Variants in ITGAV observed in about 807,000 individuals in gnomAD.
ITGAV encodes the protein integrin alpha-V.
A neutral mutation model predicts 143.8 loss-of-function variants in ITGAV; 76 were observed. That is an observed-to-expected ratio of 0.53 (90% CI 0.44 to 0.64). ITGAV has a LOEUF of 0.64. Among genes scored for constraint, ITGAV ranks in the 30% least tolerant of loss-of-function variants. ITGAV has a pLI of 0.00. For missense variants in ITGAV, 1,193 were observed against 1,274.7 expected, an observed-to-expected ratio of 0.94 and a Z score of 0.98; for synonymous variants, 453 against 446.7, an observed-to-expected ratio of 1.01 and a Z score of -0.18.
chr2:186,618,750 C>T (rs975713592), intron 2 of ITGAV, among the ~76,000 whole-genome samples: 1 of 151,852 alleles, frequency 6.6e-6, no homozygotes, highest in Admixed American at 6.6e-5. Context: ...GAAGGCAACT[C>T]AAAAATCCCA....
At chr2:186,638,567 A>C in intron 10 of ITGAV, 102 bp downstream of exon 10, 71 of 799,106 alleles carry the variant, frequency 8.9e-5, no homozygotes, top group Non-Finnish European at 1.4e-4. Flanking sequence ...CTATAATCTC[A>C]TCAAATAGAT....
In ITGAV at chr2:186,680,049, C is replaced by A. The variant is rs61764182; in HGVS notation, c.*2757C>A. On this transcript the variant is annotated 3_prime_UTR_variant, in exon 30 of 30. Coordinates refer to ENST00000261023, the MANE Select transcript of ITGAV (RefSeq NM_002210.5). ...AAAAGTATTGTATATAATAGATCAGCGATTTTTGTAAGGCAAACAGAATTT... is the reference window on the plus strand; with the variant it reads ...AAAAGTATTGTATATAATAGATCAGAGATTTTTGTAAGGCAAACAGAATTT... 1 of 152,116 alleles carries A rather than the reference C, an allele frequency of 6.6e-6. No homozygotes were observed. The highest frequency in any genetic ancestry group is 6.5e-5 in the Admixed American group (1 of 15,274). 9.4% of individuals were successfully genotyped at this position (152,116 alleles called of 1,614,324 possible).
intron 1 of ITGAV, among the ~76,000 whole-genome samples, chr2:186,594,919 G>A (rs1686706233): frequency 6.6e-6 from 1 of 152,138 alleles, no homozygotes; most frequent in Admixed American, 6.5e-5. Context: ...TATTTAGAAA[G>A]CAAATCCTAT....
chr2:186,622,540 A>G lies in ITGAV; in HGVS notation c.408+110A>G, dbSNP rs1046140790. 10 of 723,102 alleles carry G rather than the reference A, an allele frequency of 1.4e-5. No individual in the cohort carries two copies. In the African/African-American group the frequency reaches 1.6e-4, roughly 11 times the overall value. 44.8% of individuals were successfully genotyped at this position (723,102 alleles called of 1,614,324 possible). The stretch of plus-strand genomic sequence containing the variant: ...TAAAATTCAGTATGCTCAAGGGCAC[A>G]GGGTATAACAACATAAGATAGCTCT... On this transcript the variant is annotated intron_variant, in intron 3 of 29. Coordinates refer to ENST00000261023, the MANE Select transcript of ITGAV (RefSeq NM_002210.5).
chr2:186,630,671 G>A (rs150258052), intron 4 of ITGAV, 126 bp from the exon 5 acceptor site: 223 of 606,148 alleles, frequency 3.7e-4, no homozygotes, highest in Admixed American at 5.5e-4. Context: ...CTAAGTGCCC[G>A]AGTGAATGAC....
At chr2:186,631,909 C>T (rs748772884) in intron 5 of ITGAV, among the ~76,000 whole-genome samples, 1 of 152,026 alleles carries the variant, frequency 6.6e-6, no homozygotes. Context: ...TGCTTGTGGT[C>T]CTAGCTATTC....
Position 186,641,528 on chromosome 2 carries a change from T to C in ITGAV, c.1099T>C (p.Phe367Leu). ...GACAAAGCTGAATGGATTTGAGGTC[T>C]TTGCACGGTTTGGCAGTGCCATAGC... ...QTTKLNGFEV[F>L]ARFGSAIAPL... Residue 367 changes from phenylalanine to leucine, a missense_variant, in exon 12 of 30, where the codon TTT becomes CTT. Transcript: ENST00000261023. 6.2e-7 allele frequency: 1 copy of C among 1,614,202 alleles called. No homozygotes were observed. The highest frequency in any genetic ancestry group is 1.1e-5 in the South Asian group (1 of 91,076).
Position 186,602,008 on chromosome 2 carries a change from T to G in ITGAV, c.186-13T>G. 2 of 1,603,060 alleles carry G rather than the reference T, an allele frequency of 1.2e-6. No homozygotes were observed. Among genetic ancestry groups the G allele is most frequent in the South Asian group, 2.3e-5 (2 of 87,980 alleles). On this transcript the variant is annotated splice_polypyrimidine_tract_variant and intron_variant, in intron 1 of 29. Transcript: ENST00000261023. ...TTTCATTTAAACTTTGGTCTGCCGC[T>G]TTTGTATTTTAGCCGGATGTTTCTT...
intron 14 of ITGAV, among the ~76,000 whole-genome samples, chr2:186,651,154 A>AGTTTTTAAAATTGCTGTTAATTG (rs1688416818): frequency 6.6e-6 from 1 of 152,224 alleles, no homozygotes; most frequent in Non-Finnish European, 1.5e-5. Flanking sequence ...TAAGATGTTT[A>AGTTTTTAAAATTGCTGTTAATTG]TATATCTATG....
rs866337320 is a variant in ITGAV at position 186,662,222 on chromosome 2, T to G, written c.1858-1546T>G. Among the ~76,000 whole-genome samples the G allele has an allele frequency of 1.1e-4, 16 of 152,346 alleles. No individual in the cohort carries two copies. In the Middle Eastern group the frequency reaches 0.01, roughly 97 times the overall value. ...ATTTGTTATCTGTAAAGTCCACACT[T>G]TGATCTAATCAAGCGTTGATTTATA... On this transcript the variant is annotated intron_variant, in intron 18 of 29. Transcript: ENST00000261023.
At chr2:186,629,114 A>G (rs2197138) in intron 4 of ITGAV, among the ~76,000 whole-genome samples, 106,284 of 151,918 alleles carry the variant, frequency 0.7, 37,541 homozygotes, top group East Asian at 0.85. Context: ...GTCAGAATCA[A>G]TAATATTACT....
chr2:186,646,007 C>T (rs1401507516), intron 12 of ITGAV, among the ~76,000 whole-genome samples: 1 of 151,770 alleles, frequency 6.6e-6, no homozygotes, highest in Non-Finnish European at 1.5e-5. Context: ...GAAAAAAAGG[C>T]TGTTTAAGTG....
intron 1 of ITGAV, among the ~76,000 whole-genome samples, chr2:186,590,816 C>T (rs1467855382): frequency 6.6e-6 from 1 of 152,188 alleles, no homozygotes; most frequent in Non-Finnish European, 1.5e-5. Flanking sequence ...GGGAAATCAA[C>T]AAAGGCTGGT....
intron 2 of ITGAV, among the ~76,000 whole-genome samples, chr2:186,614,743 C>T (rs1286904116): frequency 6.6e-6 from 1 of 151,700 alleles, no homozygotes; most frequent in African/African-American, 2.4e-5. Flanking sequence ...ACTCTTCTGA[C>T]ACATCTATTT....
chr2:186,649,064 G>T (rs531861058), intron 13 of ITGAV, among the ~76,000 whole-genome samples: 2 of 142,678 alleles, frequency 1.4e-5, no homozygotes, highest in Admixed American at 1.4e-4. Context: ...TTACTTCTGT[G>T]AATTTCCTTT....
intron 26 of ITGAV, among the ~76,000 whole-genome samples, chr2:186,674,669 G>A (rs1413337854): frequency 1.3e-5 from 2 of 151,514 alleles, no homozygotes; most frequent in Admixed American, 6.6e-5. Flanking sequence ...CCACCATCAC[G>A]CCTGGCTAAT....
chr2:186,615,783 G>A (rs1160355049), intron 2 of ITGAV, among the ~76,000 whole-genome samples: 1 of 151,712 alleles, frequency 6.6e-6, no homozygotes, highest in African/African-American at 2.4e-5. Flanking sequence ...TTTAAATGGT[G>A]TTTTTGTAGC....
At chr2:186,616,984 T>C (rs1234692099) in intron 2 of ITGAV, among the ~76,000 whole-genome samples, 1 of 152,034 alleles carries the variant, frequency 6.6e-6, no homozygotes, top group Non-Finnish European at 1.5e-5. Context: ...CTGTGAATTG[T>C]CTATGAATGC....
At chr2:186,666,421 T>A (rs1465053432) in intron 21 of ITGAV, among the ~76,000 whole-genome samples, 5 of 152,216 alleles carry the variant, frequency 3.3e-5, no homozygotes, top group African/African-American at 1.2e-4. Context: ...TTTCACTGGA[T>A]CAACAAACAT....
Sources: allele counts gnomAD v4.1 joint callset (sites outside exome capture counted in the v4.1 genomes callset), GRCh38; gene constraint gnomAD v4.1.1; transcripts MANE v1.5; gene names NCBI Gene and HGNC (gene_info 2026-07-23, HGNC 2026-07-21).